EML6: variants seen among roughly 807,000 people sequenced by gnomAD.
EML6 encodes the protein echinoderm microtubule-associated protein-like 6.
EML6 carries 154 observed loss-of-function variants against 240.1 expected under a neutral mutation model. The ratio of observed to expected loss-of-function variants is 0.64; its 90% CI spans 0.56 to 0.73. EML6 has a LOEUF of 0.73. Ranked by LOEUF, EML6 falls within the 30% of genes least tolerant of loss-of-function variation. The pLI is 0.00. For missense variants in EML6, 2,964 were observed against 2,474.6 expected, an observed-to-expected ratio of 1.20 and a Z score of -4.20; for synonymous variants, 1,148 against 899.0, an observed-to-expected ratio of 1.28 and a Z score of -4.95.
chr2:54,911,327 A>T (rs992581331), intron 25 of EML6, among the ~76,000 whole-genome samples: 16 of 152,208 alleles, frequency 1.1e-4, no homozygotes, highest in Non-Finnish European at 1.8e-4. Flanking sequence ...TCCTTTTTCC[A>T]TTTGACATGT....
intron 2 of EML6, among the ~76,000 whole-genome samples, chr2:54,733,011 CT>C (rs1483673074): frequency 1.3e-5 from 2 of 152,206 alleles, no homozygotes; most frequent in Non-Finnish European, 2.9e-5. Context: ...GACCTCTACT[CT>C]TTTATCAGTT....
chr2:54,789,532 A>AAACAAAG (rs1558549414), intron 2 of EML6, among the ~76,000 whole-genome samples: 8 of 143,342 alleles, frequency 5.6e-5, no homozygotes, highest in Non-Finnish European at 1.1e-4. Flanking sequence ...AAAAAAAAAA[A>AAACAAAG]AAAAAAAAAA....
chr2:54,747,885 C>T (rs1043200554), intron 2 of EML6, among the ~76,000 whole-genome samples: 26 of 152,058 alleles, frequency 1.7e-4, no homozygotes, highest in African/African-American at 5.6e-4. Context: ...CTACATTATA[C>T]AAATTTATCT....
chr2:54,953,885 T>TAA (rs34371058), intron 31 of EML6, 98 bp from the exon 32 acceptor site: 10,544 of 794,320 alleles, frequency 0.013, 4 homozygotes, highest in Non-Finnish European at 0.015. Context: ...AGACTCTGTC[T>TAA]AAAAAAAAAA....
chr2:54,856,315 T>C (rs1558618452), intron 11 of EML6, among the ~76,000 whole-genome samples: 1 of 152,212 alleles, frequency 6.6e-6, no homozygotes, highest in African/African-American at 2.4e-5. Context: ...CAATTTTCCA[T>C]GTCCTAATAG....
At chr2:54,912,233 GA>G (rs540426510) in intron 25 of EML6, among the ~76,000 whole-genome samples, 9 of 152,088 alleles carry the variant, frequency 5.9e-5, no homozygotes, top group Non-Finnish European at 1.2e-4. Context: ...TGTTCACTGA[GA>G]AATTTGATCT....
At chr2:54,956,248 CT>C (rs1184490166) in intron 32 of EML6, among the ~76,000 whole-genome samples, 2 of 1,602 alleles carry the variant, frequency 1.2e-3, no homozygotes, top group Non-Finnish European at 2.4e-3. Context: ...TTTGTTTGCA[CT>C]TCTCCCATGA....
chr2:54,796,933 G>T (rs566752855), intron 2 of EML6, among the ~76,000 whole-genome samples: 2 of 152,010 alleles, frequency 1.3e-5, no homozygotes, highest in East Asian at 3.9e-4. Context: ...GAGAGGCCGA[G>T]GTGGGCAATC....
intron 22 of EML6, among the ~76,000 whole-genome samples, chr2:54,900,750 A>T (rs1171566241): frequency 6.6e-6 from 1 of 152,164 alleles, no homozygotes; most frequent in African/African-American, 2.4e-5. Context: ...GAGCCCATTG[A>T]TGCTCTCCAT....
At chr2:54,852,229 G>C (rs1253701458) in intron 10 of EML6, among the ~76,000 whole-genome samples, 1 of 152,146 alleles carries the variant, frequency 6.6e-6, no homozygotes, top group African/African-American at 2.4e-5. Flanking sequence ...TTTTATAAGA[G>C]ATTCATCTGA....
intron 11 of EML6, among the ~76,000 whole-genome samples, chr2:54,857,392 C>G (rs1167893179): frequency 6.6e-6 from 1 of 152,018 alleles, no homozygotes; most frequent in South Asian, 2.1e-4. Context: ...ATTCAGTGTC[C>G]CAGGGAAAGC....
At chr2:54,764,307 T>G (rs955706497) in intron 2 of EML6, among the ~76,000 whole-genome samples, 1 of 152,140 alleles carries the variant, frequency 6.6e-6, no homozygotes, top group Non-Finnish European at 1.5e-5. Flanking sequence ...CGTTATGAAG[T>G]TGGAAAATTC....
intron 25 of EML6, among the ~76,000 whole-genome samples, chr2:54,915,396 A>G (rs997497044): frequency 2.6e-5 from 4 of 152,160 alleles, no homozygotes; most frequent in Non-Finnish European, 5.9e-5. Context: ...AATGGCCAAA[A>G]GCATGCTTCC....
chr2:54,892,407 G>T (rs1393648540), intron 18 of EML6, 47 bp from the exon 19 acceptor site: 1 of 1,317,696 alleles, frequency 7.6e-7, no homozygotes, highest in Non-Finnish European at 1.1e-6. Flanking sequence ...ATGCTTATAG[G>T]AAGTGCCAGA....
At chr2:54,835,914 A>T (rs1669115761) in intron 7 of EML6, among the ~76,000 whole-genome samples, 1 of 152,210 alleles carries the variant, frequency 6.6e-6, no homozygotes, top group South Asian at 2.1e-4. Context: ...CCAAAAGACC[A>T]ACTCTCAAAC....
intron 12 of EML6, among the ~76,000 whole-genome samples, chr2:54,863,115 A>G (rs898690400): frequency 6.6e-6 from 1 of 152,228 alleles, no homozygotes; most frequent in Non-Finnish European, 1.5e-5. Context: ...ATTTGAATAA[A>G]TGTTGACAAG....
chr2:54,948,875 C>G lies in EML6; in HGVS notation c.4005-7C>G, dbSNP rs1395882058. ...GCTGTGCTTCCTCTGGCCGCTCTCT[C>G]TTCCAGACCACCCGTTAGCCGAGCA... On this transcript the variant is annotated splice_polypyrimidine_tract_variant and splice_region_variant and intron_variant, in intron 28 of 41. Transcript: ENST00000356458. The G allele has an allele frequency of 7.1e-6, 11 of 1,550,694 alleles. No individual in the cohort carries two copies. Among genetic ancestry groups the G allele is most frequent in the Non-Finnish European group, 9.6e-6 (11 of 1,146,448 alleles).
At chr2:54,779,242 A>G (rs1668737261) in intron 2 of EML6, among the ~76,000 whole-genome samples, 1 of 152,070 alleles carries the variant, frequency 6.6e-6, no homozygotes, top group South Asian at 2.1e-4. Flanking sequence ...GTTCTTTTAG[A>G]ATATAGGAAG....
intron 2 of EML6, among the ~76,000 whole-genome samples, chr2:54,745,565 C>T (rs1053564384): frequency 6.6e-6 from 1 of 152,020 alleles, no homozygotes; most frequent in Non-Finnish European, 1.5e-5. Flanking sequence ...TCGCTCAAGC[C>T]CAAGAGTTCG....
Sources: allele counts gnomAD v4.1 joint callset (sites outside exome capture counted in the v4.1 genomes callset), GRCh38; gene constraint gnomAD v4.1.1; transcripts MANE v1.5; gene names NCBI Gene and HGNC (gene_info 2026-07-23, HGNC 2026-07-21).